Variants in ZNF385D observed in about 807,000 individuals in gnomAD.
The protein encoded by ZNF385D is zinc finger protein 659.
A neutral mutation model predicts 35.8 loss-of-function variants in ZNF385D; 15 were observed. The ratio of observed to expected loss-of-function variants is 0.42; its 90% CI spans 0.28 to 0.64. ZNF385D has a LOEUF of 0.64. Among genes scored for constraint, ZNF385D ranks in the 30% least tolerant of loss-of-function variants. The pLI is 0.23. For missense variants in ZNF385D, 474 were observed against 494.6 expected, an observed-to-expected ratio of 0.96 and a Z score of 0.39; for synonymous variants, 212 against 186.8, an observed-to-expected ratio of 1.13 and a Z score of -1.10.
At chr3:22,237,538 C>T (rs1380978551) in intron 2 of ZNF385D, among the ~76,000 whole-genome samples, 3 of 152,150 alleles carry the variant, frequency 2.0e-5, no homozygotes, top group East Asian at 3.9e-4. Flanking sequence ...TATTTTGTTG[C>T]CTTTGCTTTT....
chr3:21,689,246 C>G (rs192129900), intron 1 of ZNF385D, among the ~76,000 whole-genome samples: 11 of 151,974 alleles, frequency 7.2e-5, no homozygotes, highest in Non-Finnish European at 1.6e-4. Context: ...ACAATAGAGA[C>G]CAGAGAGAAA....
intron 2 of ZNF385D, among the ~76,000 whole-genome samples, chr3:22,271,597 T>C (rs1377025249): frequency 6.6e-6 from 1 of 151,906 alleles, no homozygotes; most frequent in African/African-American, 2.4e-5. Flanking sequence ...CCAGCCACAC[T>C]CCATGTTCTT....
chr3:22,066,988 G>A (rs1431610760), intron 3 of ZNF385D, among the ~76,000 whole-genome samples: 1 of 152,182 alleles, frequency 6.6e-6, no homozygotes, highest in African/African-American at 2.4e-5. Flanking sequence ...AATGGATTAT[G>A]AAAGTCTAGA....
chr3:22,171,812 G>A (rs1376198611), intron 2 of ZNF385D, among the ~76,000 whole-genome samples: 2 of 149,060 alleles, frequency 1.3e-5, no homozygotes, highest in Non-Finnish European at 1.5e-5. Context: ...GGGAGGTAGA[G>A]CTTGCAGTGA....
At chr3:22,372,238 C>T (rs2125237636) in intron 2 of ZNF385D, among the ~76,000 whole-genome samples, 1 of 152,266 alleles carries the variant, frequency 6.6e-6, no homozygotes, top group Non-Finnish European at 1.5e-5. Flanking sequence ...TCCTTGGCAC[C>T]GAGAAGAGGC....
At chr3:22,079,111 T>A (rs1700612052) in intron 3 of ZNF385D, among the ~76,000 whole-genome samples, 1 of 151,986 alleles carries the variant, frequency 6.6e-6, no homozygotes, top group Non-Finnish European at 1.5e-5. Context: ...TAAATAGGAA[T>A]AAACAGAATG....
intron 2 of ZNF385D, among the ~76,000 whole-genome samples, chr3:22,179,172 G>C (rs1695045518): frequency 2.0e-5 from 3 of 152,100 alleles, no homozygotes; most frequent in Admixed American, 2.0e-4. Context: ...AAATTACTTT[G>C]GGCAGTATGG....
At chr3:21,907,892 T>C (rs559753676) in intron 3 of ZNF385D, among the ~76,000 whole-genome samples, 5 of 152,092 alleles carry the variant, frequency 3.3e-5, no homozygotes, top group East Asian at 1.9e-4. Flanking sequence ...CCAAGGGTAA[T>C]TGGAGAACTT....
chr3:21,844,335 A>C (rs112059931), intron 3 of ZNF385D, among the ~76,000 whole-genome samples: 307 of 152,014 alleles, frequency 2.0e-3, no homozygotes, highest in Non-Finnish European at 3.8e-3. Context: ...TTGAGAACAG[A>C]GGATCACTGG....
At chr3:21,567,055 T>G (rs977034609) in intron 2 of ZNF385D, among the ~76,000 whole-genome samples, 1 of 152,200 alleles carries the variant, frequency 6.6e-6, no homozygotes, top group Non-Finnish European at 1.5e-5. Flanking sequence ...CTCAGTAGTA[T>G]TCCTTTGTAA....
intron 2 of ZNF385D, among the ~76,000 whole-genome samples, chr3:22,185,096 T>A (rs952450737): frequency 5.3e-5 from 8 of 152,202 alleles, no homozygotes; most frequent in African/African-American, 1.9e-4. Context: ...GTTCACTGTA[T>A]CTATAATCTA....
At chr3:21,769,072 T>C (rs2070961447) in intron 3 of ZNF385D, among the ~76,000 whole-genome samples, 1 of 152,044 alleles carries the variant, frequency 6.6e-6, no homozygotes, top group Non-Finnish European at 1.5e-5. Flanking sequence ...GTTTTTAGCA[T>C]GAAGGGCTGT....
intron 3 of ZNF385D, among the ~76,000 whole-genome samples, chr3:21,921,591 C>T (rs1700464538): frequency 6.6e-6 from 1 of 151,608 alleles, no homozygotes; most frequent in South Asian, 2.1e-4. Context: ...TTTTTATTTA[C>T]CAGGATTATG....
chr3:22,204,733 C>T (rs1418866914), intron 2 of ZNF385D, among the ~76,000 whole-genome samples: 1 of 151,568 alleles, frequency 6.6e-6, no homozygotes, highest in Non-Finnish European at 1.5e-5. Flanking sequence ...CTGAAAAATG[C>T]CATATATCAT....
chr3:21,918,012 G>C (rs1700273552), intron 3 of ZNF385D, among the ~76,000 whole-genome samples: 1 of 152,210 alleles, frequency 6.6e-6, no homozygotes, highest in Non-Finnish European at 1.5e-5. Flanking sequence ...AATCTGAATT[G>C]ATTGCTCAGG....
intron 3 of ZNF385D, among the ~76,000 whole-genome samples, chr3:21,864,990 C>CTTTT (rs3073906): frequency 1.8e-4 from 20 of 112,156 alleles, no homozygotes; most frequent in Non-Finnish European, 2.4e-4. Context: ...TGGAACAATG[C>CTTTT]TTTTTTTTTT....
At chr3:21,688,934 A>T (rs959067094) in intron 1 of ZNF385D, among the ~76,000 whole-genome samples, 24 of 152,156 alleles carry the variant, frequency 1.6e-4, no homozygotes, top group African/African-American at 5.6e-4. Flanking sequence ...ATATGGAGAG[A>T]GACAGTCCTT....
chr3:22,032,939 T>C (rs1698088662), intron 3 of ZNF385D, among the ~76,000 whole-genome samples: 2 of 152,092 alleles, frequency 1.3e-5, no homozygotes, highest in African/African-American at 4.8e-5. Flanking sequence ...GTCCCACAGC[T>C]AGCAAATAGT....
intron 3 of ZNF385D, among the ~76,000 whole-genome samples, chr3:21,927,304 C>G (rs1700779770): frequency 6.6e-6 from 1 of 151,968 alleles, no homozygotes; most frequent in Admixed American, 6.6e-5. Context: ...TACCCAGCCT[C>G]AGGTATTCCT....
Sources: allele counts gnomAD v4.1 joint callset (sites outside exome capture counted in the v4.1 genomes callset), GRCh38; gene constraint gnomAD v4.1.1; transcripts MANE v1.5; gene names NCBI Gene and HGNC (gene_info 2026-07-23, HGNC 2026-07-21).